The following PIBF1 variants were observed in gnomAD, a reference collection of about 807,000 sequenced individuals.
PIBF1 encodes the protein progesterone-induced-blocking factor 1.
A neutral mutation model predicts 112.5 loss-of-function variants in PIBF1; 90 were observed. The ratio of observed to expected loss-of-function variants is 0.80; its 90% CI spans 0.67 to 0.95. PIBF1 has a LOEUF of 0.95. PIBF1 is among the 40% of genes least tolerant of loss of function. PIBF1 has a pLI of 0.00. For missense variants in PIBF1, 915 were observed against 852.3 expected (o/e 1.07, Z -0.92); for synonymous variants, 301 against 288.6 (o/e 1.04, Z -0.44).
chr13:72,814,435 CAA>C (rs547722918), intron 5 of PIBF1, among the ~76,000 whole-genome samples: 11 of 73,122 alleles, frequency 1.5e-4, no homozygotes, highest in Non-Finnish European at 1.6e-4. Context: ...GACTTCGTCT[CAA>C]AAAAAAAAAA....
intron 10 of PIBF1, among the ~76,000 whole-genome samples, chr13:72,873,114 G>A (rs982696033): frequency 2.0e-5 from 3 of 152,042 alleles, no homozygotes; most frequent in Non-Finnish European, 4.4e-5. Context: ...CATGGAAATC[G>A]AAAGGACCAG....
Position 72,783,476 on chromosome 13 carries a change from C to T in PIBF1, c.7C>T (p.Arg3Ter). The T allele has an allele frequency of 3.1e-6, 5 of 1,587,714 alleles. No individual in the cohort carries two copies. Among genetic ancestry groups the T allele is most frequent in the South Asian group, 1.1e-5 (1 of 88,076 alleles). The part of the protein sequence containing the change: MS[R>*]KISKESKKVN... ...CTGATCCATAATAATAAAAATGTCT[C>T]GAAAAATTTCAAAGGAGTCAAAAAA... The change falls in exon 2 of 18, where the codon CGA becomes TGA. Residue 3 changes from arginine (R) to a stop codon, truncating the protein, a stop_gained. Coordinates refer to ENST00000326291, the MANE Select transcript of PIBF1 (RefSeq NM_006346.4). LOFTEE classifies it high-confidence loss of function.
intron 10 of PIBF1, among the ~76,000 whole-genome samples, chr13:72,859,406 G>C (rs2038592896): frequency 6.6e-6 from 1 of 152,044 alleles, no homozygotes; most frequent in African/African-American, 2.4e-5. Flanking sequence ...AACTACTGAA[G>C]GGCTTTATCC....
At chr13:72,871,015 T>C (rs9573048) in intron 10 of PIBF1, among the ~76,000 whole-genome samples, 90,846 of 151,776 alleles carry the variant, frequency 0.6, 27,828 homozygotes, top group East Asian at 0.76. Flanking sequence ...GTAATATATG[T>C]ATATATATTT....
At chr13:72,786,350 TC>T (rs1173943958) in intron 2 of PIBF1, among the ~76,000 whole-genome samples, 2 of 152,224 alleles carry the variant, frequency 1.3e-5, no homozygotes, top group Non-Finnish European at 2.9e-5. Flanking sequence ...ATGTATTTAT[TC>T]TTTTCATTCC....
At chr13:72,878,081 CTT>C (rs1201319602) in intron 10 of PIBF1, among the ~76,000 whole-genome samples, 1 of 151,654 alleles carries the variant, frequency 6.6e-6, no homozygotes, top group Admixed American at 6.6e-5. Flanking sequence ...TAGGTCCTCT[CTT>C]TTTCTTAGTG....
At chr13:72,800,010 TA>T (rs1302432331) in intron 5 of PIBF1, among the ~76,000 whole-genome samples, 2 of 152,210 alleles carry the variant, frequency 1.3e-5, no homozygotes, top group Non-Finnish European at 2.9e-5. Context: ...TATTTTTAAA[TA>T]AAAAGCAAAA....
chr13:72,853,790 A>G (rs113403965), intron 9 of PIBF1, among the ~76,000 whole-genome samples: 3,345 of 152,306 alleles, frequency 0.022, 137 homozygotes, highest in African/African-American at 0.076. Context: ...TAAGGAATAC[A>G]TAAATTACTA....
rs987135939 is a variant in PIBF1, at chr13:72,976,992, C to T, written c.2049+3317C>T. On this transcript the variant is annotated intron_variant, in intron 16 of 17. Transcript: ENST00000326291. ...CATGGACGGCCCCTGGGAGCCACTG[C>T]TTCTTTACCTAAGGCCGCTAGCTTG... Among the ~76,000 whole-genome samples, 5 of 152,158 alleles carry T rather than the reference C, an allele frequency of 3.3e-5. No individual in the cohort carries two copies. The East Asian group carries it at 5.8e-4, about 18-fold the overall frequency.
At chr13:72,915,826 C>T (rs961379080) in intron 12 of PIBF1, among the ~76,000 whole-genome samples, 1 of 152,102 alleles carries the variant, frequency 6.6e-6, no homozygotes. Context: ...AAAATCTTTA[C>T]TACAGAAGGG....
chr13:72,868,092 G>A (rs1778331352), intron 10 of PIBF1, among the ~76,000 whole-genome samples: 1 of 152,052 alleles, frequency 6.6e-6, no homozygotes, highest in Admixed American at 6.6e-5. Context: ...TGGAGGCCAG[G>A]AGTTCAGGAA....
intron 2 of PIBF1, among the ~76,000 whole-genome samples, chr13:72,790,566 A>G (rs1034020849): frequency 6.7e-6 from 1 of 148,970 alleles, no homozygotes; most frequent in Non-Finnish European, 1.5e-5. Flanking sequence ...TAGATAGATA[A>G]ATCAGCATAT....
intron 15 of PIBF1, among the ~76,000 whole-genome samples, chr13:72,966,972 G>A (rs2138918323): frequency 6.7e-6 from 1 of 148,158 alleles, no homozygotes; most frequent in East Asian, 2.0e-4. Context: ...GAGTCTCACT[G>A]TCACCCAGGC....
intron 13 of PIBF1, among the ~76,000 whole-genome samples, chr13:72,929,360 A>ATATTTTTTTTTTTT (rs2041633150): frequency 6.6e-6 from 1 of 152,140 alleles, no homozygotes; most frequent in African/African-American, 2.4e-5. Context: ...AACTTAGTAT[A>ATATTTTTTTTTTTT]TTTTTATTGG....
intron 14 of PIBF1, among the ~76,000 whole-genome samples, chr13:72,957,544 G>C (rs935375752): frequency 6.6e-6 from 1 of 152,132 alleles, no homozygotes; most frequent in African/African-American, 2.4e-5. Flanking sequence ...AGGATACAAG[G>C]GTACACATTG....
At chr13:72,895,284 T>C (rs886192894) in intron 11 of PIBF1, among the ~76,000 whole-genome samples, 1 of 150,214 alleles carries the variant, frequency 6.7e-6, no homozygotes, top group Non-Finnish European at 1.5e-5. Context: ...ATTCATAAAA[T>C]TCATAAATTT....
intron 5 of PIBF1, among the ~76,000 whole-genome samples, chr13:72,819,153 G>A (rs2036428608): frequency 6.6e-6 from 1 of 152,208 alleles, no homozygotes; most frequent in Non-Finnish European, 1.5e-5. Context: ...TAGAAACCAG[G>A]TGGATAATAT....
chr13:72,812,612 A>G (rs559530266), intron 5 of PIBF1, among the ~76,000 whole-genome samples: 6 of 151,928 alleles, frequency 3.9e-5, no homozygotes, highest in Non-Finnish European at 5.9e-5. Context: ...GTGAAACCCT[A>G]TCTCTACCAA....
intron 5 of PIBF1, among the ~76,000 whole-genome samples, chr13:72,819,235 C>A (rs2036433097): frequency 6.6e-6 from 1 of 152,074 alleles, no homozygotes; most frequent in Non-Finnish European, 1.5e-5. Flanking sequence ...CTAAATTATT[C>A]AAGTTGTTAA....
Sources: gnomAD v4.1 joint callset for allele counts (sites outside exome capture counted in the v4.1 genomes callset) on GRCh38, gnomAD v4.1.1 for gene constraint, MANE v1.5 for transcripts, NCBI Gene and HGNC (gene_info 2026-07-23, HGNC 2026-07-21) for gene names.